Variants in BLK observed in about 807,000 individuals in gnomAD.
The protein encoded by BLK is BLK proto-oncogene, Src family tyrosine kinase.
BLK carries 64 observed loss-of-function variants against 61.8 expected under a neutral mutation model. The observed-to-expected ratio is 1.03, with a 90% CI of 0.85 to 1.27. The LOEUF (loss-of-function observed/expected upper bound fraction) is 1.27, where lower values mean the gene tolerates loss of function less well. Among genes scored for constraint, BLK ranks in the 50% most tolerant of loss-of-function variants. The pLI, the probability that BLK is intolerant of heterozygous loss-of-function variation, is 0.00. For synonymous variants in BLK, 351 were observed against 272.0 expected (o/e 1.29, Z -2.86); for missense variants, 853 against 660.5 (o/e 1.29, Z -3.19).
chr8:11,548,074 A>G lies in BLK; in HGVS notation c.218A>G (p.Asn73Ser), dbSNP rs919928429. The change falls in exon 4 of 13, where the codon AAT (asparagine) becomes AGT (serine). Residue 73 changes from asparagine (N) to serine (S), a missense_variant. Physicochemically the swap from Asn to Ser is conservative, Grantham distance 46 (BLOSUM62 1). Transcript: ENST00000259089. ...VVALYDYTAMNDRDLQMLKGE... is the reference protein window; with the variant it reads ...VVALYDYTAMSDRDLQMLKGE... ...GCTCTGTATGACTACACCGCTATGAATGATCGGGACCTGCAGATGCTGAAG... is the reference window on the plus strand; with the variant it reads ...GCTCTGTATGACTACACCGCTATGAGTGATCGGGACCTGCAGATGCTGAAG... 3 of 1,614,056 alleles carry G rather than the reference A, an allele frequency of 1.9e-6. No individual in the cohort carries two copies. In the Admixed American group the frequency reaches 5.0e-5, roughly 27 times the overall value.
intron 1 of BLK, among the ~76,000 whole-genome samples, chr8:11,497,186 A>G (rs1190784263): frequency 6.6e-6 from 1 of 152,214 alleles, no homozygotes; most frequent in Non-Finnish European, 1.5e-5. Flanking sequence ...CAACATACTG[A>G]GATGGAAATC....
intron 1 of BLK, among the ~76,000 whole-genome samples, chr8:11,534,043 C>T (rs1800009876): frequency 6.6e-6 from 1 of 152,156 alleles, no homozygotes; most frequent in African/African-American, 2.4e-5. Context: ...TCATGACCTG[C>T]CTGCATCAGC....
chr8:11,518,331 T>C (rs1440995124), intron 1 of BLK, among the ~76,000 whole-genome samples: 2 of 151,938 alleles, frequency 1.3e-5, no homozygotes, highest in African/African-American at 4.8e-5. Flanking sequence ...TTCGTGTGAG[T>C]TTTTGCAATG....
rs1280674672 is a variant in BLK, at chr8:11,528,370, A to G, written c.-1-14854A>G. On this transcript the variant is annotated intron_variant, in intron 1 of 12. Coordinates refer to ENST00000259089, the MANE Select transcript of BLK (RefSeq NM_001715.3). The stretch of plus-strand genomic sequence containing the variant: ...GCTTTTAAGTTAAACTATAAACTAA[A>G]TTTCTTCCAAAGTTACTTTGGTTTA... Among the ~76,000 whole-genome samples the G allele has an allele frequency of 2.0e-5, 3 of 152,168 alleles. No individual in the cohort carries two copies. In the East Asian group the frequency reaches 5.8e-4, roughly 29 times the overall value.
chr8:11,537,107 A>T, intron 1 of BLK, among the ~76,000 whole-genome samples: 1 of 152,196 alleles, frequency 6.6e-6, no homozygotes. Context: ...TATTAGGGCA[A>T]AGGTGAGGAA....
intron 1 of BLK, among the ~76,000 whole-genome samples, chr8:11,540,743 C>G (rs1800335999): frequency 6.6e-6 from 1 of 151,602 alleles, no homozygotes; most frequent in Non-Finnish European, 1.5e-5. Flanking sequence ...TTGGAAATGT[C>G]TTTAAAGATT....
rs1339102961 is a variant in BLK at position 11,526,693 on chromosome 8, TG to T, written c.-1-16526del. On this transcript the variant is annotated intron_variant, in intron 1 of 12. Coordinates refer to ENST00000259089, the MANE Select transcript of BLK (RefSeq NM_001715.3). The stretch of plus-strand genomic sequence containing the variant: ...GAGACTGTGCCAGTGCACTCCAGCC[TG>T]GGGGACAGAGCAAGACTCTGTCTCA... Among the ~76,000 whole-genome samples, 6 of 152,320 alleles carry T rather than the reference TG, an allele frequency of 3.9e-5. No individual in the cohort carries two copies. The East Asian group carries it at 1.2e-3, about 29-fold the overall frequency.
rs1365371460 is a variant in BLK at position 11,563,913 on chromosome 8, C to A, written c.1323C>A (p.Asn441Lys). The A allele has an allele frequency of 6.2e-7, 1 of 1,609,104 alleles. No individual in the cohort carries two copies. The highest frequency in any genetic ancestry group is 8.5e-7 in the Non-Finnish European group (1 of 1,179,436). The stretch of plus-strand genomic sequence containing the variant: ...TCTCCTCTGCCGCAGGGATGAGCAA[C>A]CCCGAGGTCATCCGCAACCTGGAGC... ...YGRVPYPGMS[N>K]PEVIRNLERG... The change falls in exon 13 of 13, where the codon AAC becomes AAA. Residue 441 changes from asparagine (N) to lysine (K), a missense_variant. Physicochemically the swap from Asn to Lys is moderately conservative, Grantham distance 94. Coordinates refer to ENST00000259089, the MANE Select transcript of BLK (RefSeq NM_001715.3).
At chr8:11,550,026 G>A (rs1800827659) in intron 5 of BLK, 133 bp from the exon 6 acceptor site, 2 of 800,834 alleles carry the variant, frequency 2.5e-6, no homozygotes, top group African/African-American at 1.7e-5. Context: ...AGGAGCAGCA[G>A]CTCAGGGCCG....
chr8:11,497,612 G>A (rs967844455), intron 1 of BLK, among the ~76,000 whole-genome samples: 2 of 152,112 alleles, frequency 1.3e-5, no homozygotes, highest in Admixed American at 6.5e-5. Context: ...AGGGGTATCT[G>A]GTAAAGTGGT....
chr8:11,559,477 TCACA>T (rs762484778), intron 10 of BLK, among the ~76,000 whole-genome samples: 10 of 148,278 alleles, frequency 6.7e-5, no homozygotes, highest in Admixed American at 2.7e-4. Flanking sequence ...AAACACAAAC[TCACA>T]CAAACACATT....
intron 1 of BLK, among the ~76,000 whole-genome samples, chr8:11,520,484 AAAAAAAAAAAAAAAAAAAGGAAG>A (rs1799403429): frequency 1.4e-5 from 2 of 139,864 alleles, no homozygotes; most frequent in South Asian, 4.2e-4. Context: ...CTCAAAAAAA[AAAAAAAAAAAAAAAAAAAGGAAG>A]AAAGAAAAAG....
At chr8:11,550,333 C>T in intron 6 of BLK, 71 bp downstream of exon 6, 1 of 1,455,360 alleles carries the variant, frequency 6.9e-7, no homozygotes, top group Non-Finnish European at 9.6e-7. Context: ...AGGCCTGGCC[C>T]TGGAGTGAGA....
intron 10 of BLK, among the ~76,000 whole-genome samples, chr8:11,559,509 TCACA>T (rs780102390): frequency 3.3e-3 from 200 of 59,822 alleles, no homozygotes; most frequent in Non-Finnish European, 7.7e-3. Context: ...ACTCACAAAC[TCACA>T]CACACAAACA....
At chr8:11,523,293 C>A (rs1461399466) in intron 1 of BLK, among the ~76,000 whole-genome samples, 1 of 152,194 alleles carries the variant, frequency 6.6e-6, no homozygotes, top group Admixed American at 6.5e-5. Context: ...GTGGCTCACA[C>A]CTGTAATCCC....
At chr8:11,504,416 A>AAAAGAAAAGAAAAGAAAAG (rs1563420844) in intron 1 of BLK, among the ~76,000 whole-genome samples, 1 of 130,366 alleles carries the variant, frequency 7.7e-6, no homozygotes, top group African/African-American at 3.5e-5. Flanking sequence ...GAAAAGAAAA[A>AAAAGAAAAGAAAAGAAAAG]AAAAAGAAAA....
In BLK at chr8:11,550,213, A is replaced by G; in HGVS notation, c.423A>G (p.Pro141=). Residue 141 remains proline (P), a synonymous_variant, in exon 6 of 13, where the codon CCA becomes CCG. Transcript: ENST00000259089. ...AGGCTGAGAGGCAGCTTCTTGCTCC[A>G]ATCAACAAGGCCGGCTCCTTTCTTA... ...RKEAERQLLA[P]INKAGSFLIR... The G allele has an allele frequency of 6.2e-7, 1 of 1,614,140 alleles. No homozygotes were observed. Among genetic ancestry groups the G allele is most frequent in the East Asian group, 2.2e-5 (1 of 44,884 alleles).
intron 1 of BLK, among the ~76,000 whole-genome samples, chr8:11,511,060 C>T (rs995906211): frequency 1.3e-5 from 2 of 152,224 alleles, no homozygotes; most frequent in African/African-American, 2.4e-5. Context: ...TTTCCTGCTA[C>T]AAACACTCAC....
chr8:11,503,387 G>T (rs981004887), intron 1 of BLK, among the ~76,000 whole-genome samples: 1 of 152,150 alleles, frequency 6.6e-6, no homozygotes, highest in Admixed American at 6.5e-5. Flanking sequence ...GGTTTCCTCT[G>T]ATCAGAAAGA....
Sources: allele counts gnomAD v4.1 joint callset (sites outside exome capture counted in the v4.1 genomes callset), GRCh38; gene constraint gnomAD v4.1.1; transcripts MANE v1.5; gene names NCBI Gene and HGNC (gene_info 2026-07-23, HGNC 2026-07-21).